ADGRG5: variants seen among roughly 807,000 people sequenced by gnomAD.
ADGRG5 encodes the protein adhesion G protein-coupled receptor G5.
In ADGRG5, 37 loss-of-function variants were observed where a neutral mutation model predicts 53.2. The observed-to-expected ratio is 0.70, with a 90% CI of 0.53 to 0.91. The LOEUF (loss-of-function observed/expected upper bound fraction) is 0.91. Among genes scored for constraint, ADGRG5 ranks in the 40% least tolerant of loss-of-function variants. The probability of loss-of-function intolerance (pLI) is 0.00; values close to 1 mark genes in which losing one functional copy is unlikely to be tolerated. For missense variants in ADGRG5, 614 were observed against 675.8 expected (o/e 0.91, Z 1.01); for synonymous variants, 277 against 290.4 (o/e 0.95, Z 0.47).
chr16:57,559,174 T>C (rs2032947599), intron 1 of ADGRG5, among the ~76,000 whole-genome samples: 5 of 152,208 alleles, frequency 3.3e-5, no homozygotes, highest in Admixed American at 3.3e-4. Flanking sequence ...TTAGTGTCAC[T>C]GCAACATTGT....
At chr16:57,556,142 CACT>C (rs2032877653) in intron 1 of ADGRG5, among the ~76,000 whole-genome samples, 1 of 152,134 alleles carries the variant, frequency 6.6e-6, no homozygotes, top group South Asian at 2.1e-4. Context: ...TATACTAATA[CACT>C]TATGATTGGT....
chr16:57,544,167 C>T (rs1194411073), intron 1 of ADGRG5, among the ~76,000 whole-genome samples: 2 of 152,162 alleles, frequency 1.3e-5, no homozygotes, highest in Non-Finnish European at 2.9e-5. Flanking sequence ...CCGTGGAGGC[C>T]TGGGTTTGAG....
upstream of ADGRG5, among the ~76,000 whole-genome samples, chr16:57,541,424 A>G (rs2032488307): frequency 2.0e-5 from 3 of 152,196 alleles, no homozygotes; most frequent in Admixed American, 2.0e-4. Flanking sequence ...GGCTTGCCCA[A>G]GTCACCCAGA....
intron 1 of ADGRG5, among the ~76,000 whole-genome samples, chr16:57,550,965 C>T (rs190177403): frequency 1.1e-3 from 165 of 152,236 alleles, no homozygotes; most frequent in Non-Finnish European, 1.1e-3. Flanking sequence ...GAGGTGGAGG[C>T]GGAGGTTGCA....
At chr16:57,551,237 T>C (rs2107237) in intron 1 of ADGRG5, among the ~76,000 whole-genome samples, 42,298 of 152,024 alleles carry the variant, frequency 0.28, 6,137 homozygotes, top group East Asian at 0.46. Flanking sequence ...TGGTTGAAGG[T>C]TGGGGTGGCT....
chr16:57,549,095 T>A (rs1356668774), intron 1 of ADGRG5, among the ~76,000 whole-genome samples: 1 of 152,230 alleles, frequency 6.6e-6, no homozygotes, highest in East Asian at 1.9e-4. Context: ...AGCTTTCAAC[T>A]TTTCTTTATT....
At position 57,563,268 on chromosome 16, in the gene ADGRG5, G is replaced by T. The variant is rs774981388; in HGVS notation, c.297+21G>T. ...CCCAGGTCAGAGGCTGCGGGTTGGGGGGTGTGGCCAGCTGCCCCGCCCTAG... is the reference window on the plus strand; with the variant it reads ...CCCAGGTCAGAGGCTGCGGGTTGGGTGGTGTGGCCAGCTGCCCCGCCCTAG... On this transcript the variant is annotated intron_variant, in intron 4 of 11. Transcript: ENST00000349457. The T allele has an allele frequency of 1.1e-5, 17 of 1,611,008 alleles. No individual in the cohort carries two copies. The South Asian group carries it at 1.6e-4, about 16-fold the overall frequency.
chr16:57,530,845 C>T, the ADGRG5 span, among the ~76,000 whole-genome samples: 1 of 151,954 alleles, frequency 6.6e-6, no homozygotes, highest in Non-Finnish European at 1.5e-5. Context: ...TCCACTCCGT[C>T]TACCTGCTTG....
chr16:57,561,519 C>T (rs1374565886), intron 1 of ADGRG5, among the ~76,000 whole-genome samples: 1 of 152,144 alleles, frequency 6.6e-6, no homozygotes, highest in African/African-American at 2.4e-5. Flanking sequence ...CTTTTCTTTC[C>T]CATTGTTCTG....
At chr16:57,536,354 G>C in the ADGRG5 span, 2 of 152,282 alleles carry the variant, frequency 1.3e-5, no homozygotes, top group African/African-American at 4.8e-5. Context: ...TCTGAGTTCG[G>C]GGGTTGCCGC....
At chr16:57,539,664 G>T (rs897685585), upstream of ADGRG5, among the ~76,000 whole-genome samples, 2 of 151,134 alleles carry the variant, frequency 1.3e-5, no homozygotes, top group Non-Finnish European at 2.9e-5. Context: ...TGTTTCCCAG[G>T]CTGGTCTCGA....
chr16:57,562,065 C>A lies in ADGRG5; in HGVS notation c.-29C>A. The A allele has an allele frequency of 6.6e-7, 1 of 1,515,070 alleles. No homozygotes were observed. The highest frequency in any genetic ancestry group is 8.9e-7 in the Non-Finnish European group (1 of 1,127,344). The allele number at this position is 1,515,070 out of a possible 1,614,324, so 93.9% of individuals were successfully genotyped here. A position where few individuals can be genotyped will look rare whatever the true frequency, so the allele number is the denominator to read the frequency against. The stretch of plus-strand genomic sequence containing the variant: ...CATGCACCTTTTTCAGGGCCGGAGC[C>A]AGTTCTTGGAGGAGACTCTGCACAG... On this transcript the variant is annotated 5_prime_UTR_variant, in exon 2 of 12. Transcript: ENST00000349457.
In ADGRG5 at chr16:57,575,088, C is replaced by T; in HGVS notation, c.1482C>T (p.Leu494=). ...TCCTCTTCACCATCTTAAACTCGCT[C>T]TACGGTAGGGCTGGAGGGCGGCCTG... ...QLFLFTILNS[L]YGFFLFLWFC... Residue 494 remains leucine, a synonymous_variant, in exon 11 of 12, where the codon CTC becomes CTT. Coordinates refer to ENST00000349457, the MANE Select transcript of ADGRG5 (RefSeq NM_001304376.3). The T allele has an allele frequency of 1.2e-6, 2 of 1,611,472 alleles. No individual in the cohort carries two copies. The highest frequency in any genetic ancestry group is 1.7e-6 in the Non-Finnish European group (2 of 1,178,842).
chr16:57,530,929 G>A, the ADGRG5 span, among the ~76,000 whole-genome samples: 1 of 151,748 alleles, frequency 6.6e-6, no homozygotes, highest in Non-Finnish European at 1.5e-5. Context: ...TGGACCCACC[G>A]TGGCACCTGC....
chr16:57,572,987 G>C (rs2033403154), intron 10 of ADGRG5, among the ~76,000 whole-genome samples: 1 of 152,236 alleles, frequency 6.6e-6, no homozygotes, highest in Non-Finnish European at 1.5e-5. Flanking sequence ...ACTGGACTGT[G>C]TTCCTGAGCT....
intron 1 of ADGRG5, among the ~76,000 whole-genome samples, chr16:57,546,710 C>T (rs1178291230): frequency 6.6e-6 from 1 of 152,076 alleles, no homozygotes; most frequent in Non-Finnish European, 1.5e-5. Flanking sequence ...CCAGTGTTTT[C>T]TTATTTGGTT....
rs774361093 is a variant in ADGRG5, at chr16:57,565,043, A to C, written c.439A>C (p.Asn147His). The C allele has an allele frequency of 1.2e-6, 2 of 1,611,418 alleles. No individual in the cohort carries two copies. Among genetic ancestry groups the C allele is most frequent in the African/African-American group, 2.7e-5 (2 of 74,960 alleles). Residue 147 changes from asparagine (N) to histidine (H), a missense_variant, in exon 6 of 12, where the codon AAC becomes CAC. Physicochemically the swap from Asn to His is moderately conservative, Grantham distance 68. Transcript: ENST00000349457. ...CCTGCTGCCCTTCCAGGATGAAAACAACTCATCTCTGCTGAATAACTACGT... is the reference window on the plus strand; with the variant it reads ...CCTGCTGCCCTTCCAGGATGAAAACCACTCATCTCTGCTGAATAACTACGT... Reference protein sequence around the residue: ...SNTHFFKDENNSSLLNNYVLG... With the variant: ...SNTHFFKDENHSSLLNNYVLG...
intron 5 of ADGRG5, among the ~76,000 whole-genome samples, chr16:57,564,476 A>G (rs1369491301): frequency 3.3e-5 from 5 of 151,954 alleles, no homozygotes; most frequent in Non-Finnish European, 5.9e-5. Flanking sequence ...TAATTTTCGT[A>G]TTTTTAGTAG....
chr16:57,543,454 C>T (rs1201289283), intron 1 of ADGRG5, among the ~76,000 whole-genome samples: 19 of 151,872 alleles, frequency 1.3e-4, no homozygotes, highest in African/African-American at 4.1e-4. Context: ...GGCTAATTTT[C>T]GTAATTTTAG....
Sources: gnomAD v4.1 joint callset for allele counts (sites outside exome capture counted in the v4.1 genomes callset) on GRCh38, gnomAD v4.1.1 for gene constraint, MANE v1.5 for transcripts, NCBI Gene and HGNC (gene_info 2026-07-23, HGNC 2026-07-21) for gene names.